Variants in MYH15 observed in about 807,000 individuals in gnomAD.
MYH15 encodes myosin heavy chain 15.
MYH15 carries 227 observed loss-of-function variants against 240.5 expected under a neutral mutation model. The ratio of observed to expected loss-of-function variants is 0.94; its 90% CI spans 0.85 to 1.05. The LOEUF is 1.05. Ranked by LOEUF, MYH15 falls within the 50% of genes least tolerant of loss-of-function variation. MYH15 has a pLI of 0.00. For missense variants in MYH15, 2,217 were observed against 2,247.5 expected (o/e 0.99, Z 0.27); for synonymous variants, 785 against 796.7 (o/e 0.99, Z 0.25).
At chr3:108,393,684 T>C (rs540945093) in intron 36 of MYH15, among the ~76,000 whole-genome samples, 1 of 152,292 alleles carries the variant, frequency 6.6e-6, no homozygotes, top group South Asian at 2.1e-4. Flanking sequence ...CTAGGAAAAA[T>C]AGCTTTTTGT....
At position 108,383,743 on chromosome 3, in the gene MYH15, A is replaced by AC; in HGVS notation, c.5632-15_5632-14insG. ...GGCTTGTGTTTCCTATAAAAATAAAAAAAAAAAAAAAGAAATCTCCATGCC... is the reference window on the plus strand; with the variant it reads ...GGCTTGTGTTTCCTATAAAAATAAAACAAAAAAAAAAAGAAATCTCCATGCC... On this transcript the variant is annotated splice_polypyrimidine_tract_variant and intron_variant, in intron 39 of 40. Coordinates refer to ENST00000693548, the MANE Select transcript of MYH15 (RefSeq NM_014981.3). 6.5e-7 allele frequency: 1 copy of AC among 1,530,140 alleles called. No homozygotes were observed. Among genetic ancestry groups the AC allele is most frequent in the South Asian group, 1.3e-5 (1 of 79,522 alleles). 94.8% of individuals were successfully genotyped at this position (1,530,140 alleles called of 1,614,324 possible). A position where few individuals can be genotyped will look rare whatever the true frequency, so the allele number is the denominator to read the frequency against.
chr3:108,480,908 G>T (rs2083261291), intron 11 of MYH15, among the ~76,000 whole-genome samples: 1 of 152,104 alleles, frequency 6.6e-6, no homozygotes, highest in African/African-American at 2.4e-5. Context: ...TTCTCCATCT[G>T]TCCAGCTCCT....
At position 108,410,888 on chromosome 3, in the gene MYH15, C is replaced by T. The variant is rs2082587624; in HGVS notation, c.4190G>A (p.Gly1397Glu). The T allele has an allele frequency of 1.2e-5, 20 of 1,608,566 alleles. No homozygotes were observed. The highest frequency in any genetic ancestry group is 1.7e-5 in the Non-Finnish European group (20 of 1,175,516). Residue 1397 changes from glycine to glutamate, a missense_variant, in exon 31 of 41, where the codon GGG becomes GAG. Transcript: ENST00000693548. ...IRLQEAAEAM[G>E]VANARNASLE... ...GGAGGCATTTCTGGCATTGGCCACC[C>T]CCATGGCTTCGGCTGCCTCCTGCAA...
chr3:108,423,229 G>C (rs772850572), intron 27 of MYH15, among the ~76,000 whole-genome samples: 1 of 152,150 alleles, frequency 6.6e-6, no homozygotes, highest in Non-Finnish European at 1.5e-5. Context: ...CACTCCAGTG[G>C]GCAGGCTGGT....
chr3:108,520,554 C>G (rs942169369), intron 1 of MYH15, among the ~76,000 whole-genome samples: 2 of 152,096 alleles, frequency 1.3e-5, no homozygotes, highest in African/African-American at 2.4e-5. Flanking sequence ...ATTTGGCACC[C>G]CAAATGTCTC....
intron 1 of MYH15, among the ~76,000 whole-genome samples, chr3:108,522,161 A>G (rs1391733619): frequency 6.6e-6 from 1 of 152,066 alleles, no homozygotes; most frequent in African/African-American, 2.4e-5. Context: ...GGGGAGCAAT[A>G]GGAGATGTAT....
rs142732252 is a variant in MYH15, at chr3:108,469,406, C to T, written c.1554+636G>A. Among the ~76,000 whole-genome samples the T allele has an allele frequency of 2.1e-4, 32 of 152,308 alleles. 1 individual carries two copies. The highest frequency in any genetic ancestry group is 7.2e-4 in the African/African-American group (30 of 41,574). On this transcript the variant is annotated intron_variant, in intron 14 of 40. Coordinates refer to ENST00000693548, the MANE Select transcript of MYH15 (RefSeq NM_014981.3). ...GGAGAAAGCCACAGAAAGGACCATA[C>T]GTAATCCCCCAGCAAACCTTGCTCA...
rs570378503 is a variant in MYH15 at position 108,415,482 on chromosome 3, T to C, written c.3949-1054A>G. Reference sequence around the variant, plus strand: ...AAAGGAAAAACTTTTAAAACCTTTATGTGGCATTTACATGGCATATATTTA... The same window carrying C: ...AAAGGAAAAACTTTTAAAACCTTTACGTGGCATTTACATGGCATATATTTA... On this transcript the variant is annotated intron_variant, in intron 29 of 40. Transcript: ENST00000693548. Among the ~76,000 whole-genome samples the C allele has an allele frequency of 2.0e-5, 3 of 152,318 alleles. No individual in the cohort carries two copies. In the South Asian group the frequency reaches 6.2e-4, roughly 32 times the overall value.
At chr3:108,497,231 G>A (rs770235710) in intron 6 of MYH15, among the ~76,000 whole-genome samples, 4 of 146,774 alleles carry the variant, frequency 2.7e-5, no homozygotes, top group South Asian at 2.2e-4. Context: ...ATTCAGGAAC[G>A]TGGTGGTAAA....
intron 5 of MYH15, 64 bp downstream of exon 5, chr3:108,499,391 T>A (rs1350178119): frequency 6.7e-7 from 1 of 1,493,962 alleles, no homozygotes; most frequent in Non-Finnish European, 9.3e-7. Flanking sequence ...CCCAGTGAAA[T>A]GGAGGTATCT....
Position 108,410,681 on chromosome 3 carries a change from ACTTC to A in MYH15, c.4393_4396del (p.Glu1465PhefsTer39), listed in dbSNP as rs1184407320. On this transcript the variant is annotated frameshift_variant, in exon 31 of 41. Coordinates refer to ENST00000693548, the MANE Select transcript of MYH15 (RefSeq NM_014981.3). LOFTEE classifies it high-confidence loss of function. Reference sequence around the variant, plus strand: ...GAGGAGCTCTGTACTGAGAGCCTGAACTTCCTTCTGAGAGGCATCCAGCAACGCC... The same window carrying A: ...GAGGAGCTCTGTACTGAGAGCCTGAACTTCTGAGAGGCATCCAGCAACGCC... 1 of 1,614,116 alleles carries A rather than the reference ACTTC, an allele frequency of 6.2e-7. No individual in the cohort carries two copies. The highest frequency in any genetic ancestry group is 1.7e-5 in the Admixed American group (1 of 60,020).
At position 108,410,721 on chromosome 3, in the gene MYH15, C is replaced by T. The variant is rs370933466; in HGVS notation, c.4357G>A (p.Glu1453Lys). The T allele has an allele frequency of 6.9e-5, 112 of 1,614,046 alleles. No homozygotes were observed. The highest frequency in any genetic ancestry group is 1.6e-4 in the Middle Eastern group (1 of 6,082). Residue 1453 changes from glutamate to lysine, a missense_variant, in exon 31 of 41, where the codon GAG becomes AAG. Coordinates refer to ENST00000693548, the MANE Select transcript of MYH15 (RefSeq NM_014981.3). ...KALADWKQKH[E>K]ESQALLDASQ... ...GCATCCAGCAACGCCTGGGACTCCTCGTGCTTCTGCTTCCAGTCGGCAAGG... is the reference window on the plus strand; with the variant it reads ...GCATCCAGCAACGCCTGGGACTCCTTGTGCTTCTGCTTCCAGTCGGCAAGG...
In MYH15 at chr3:108,453,037, GTATTTTT is replaced by G. The variant is rs2082987656; in HGVS notation, c.2399+962_2399+968del. Among the ~76,000 whole-genome samples, 3 of 152,288 alleles carry G rather than the reference GTATTTTT, an allele frequency of 2.0e-5. 1 individual carries two copies. Among genetic ancestry groups the G allele is most frequent in the African/African-American group, 7.2e-5 (3 of 41,560 alleles). On this transcript the variant is annotated intron_variant, in intron 21 of 40. Coordinates refer to ENST00000693548, the MANE Select transcript of MYH15 (RefSeq NM_014981.3). ...ATGAGTATGCATTATAGTATTTTCTGTATTTTTTATTTACTTGAGAGCTTTCACAATA... is the reference window on the plus strand; with the variant it reads ...ATGAGTATGCATTATAGTATTTTCTGTATTTACTTGAGAGCTTTCACAATA...
At chr3:108,545,659 G>A in the MYH15 span, among the ~76,000 whole-genome samples, 1 of 151,450 alleles carries the variant, frequency 6.6e-6, no homozygotes, top group Admixed American at 6.6e-5. Flanking sequence ...TCATTATGCA[G>A]AGGTTACCAC....
intron 18 of MYH15, among the ~76,000 whole-genome samples, chr3:108,458,911 G>A (rs2083047497): frequency 6.6e-6 from 1 of 152,150 alleles, no homozygotes; most frequent in Admixed American, 6.6e-5. Flanking sequence ...GAGGACTAGA[G>A]GGTGTTCTCA....
chr3:108,512,185 T>A (rs2083526797), upstream of MYH15, among the ~76,000 whole-genome samples: 1 of 152,166 alleles, frequency 6.6e-6, no homozygotes, highest in Admixed American at 6.5e-5. Flanking sequence ...AGCATTCAGA[T>A]TCAGGTTTTG....
intron 25 of MYH15, among the ~76,000 whole-genome samples, chr3:108,431,163 A>T (rs1388225220): frequency 6.6e-6 from 1 of 152,210 alleles, no homozygotes; most frequent in East Asian, 1.9e-4. Context: ...AACCAAAAGT[A>T]AAAAATACCA....
intron 1 of MYH15, among the ~76,000 whole-genome samples, chr3:108,523,631 T>C (rs1333302388): frequency 6.6e-6 from 1 of 151,984 alleles, no homozygotes; most frequent in Non-Finnish European, 1.5e-5. Context: ...TATTAGATCT[T>C]GGATTCTCTT....
At chr3:108,425,904 G>C (rs2082721511) in intron 27 of MYH15, among the ~76,000 whole-genome samples, 1 of 152,160 alleles carries the variant, frequency 6.6e-6, no homozygotes. Context: ...AAATGGAAAT[G>C]GGGAATATCC....
Sources: allele counts gnomAD v4.1 joint callset (sites outside exome capture counted in the v4.1 genomes callset), GRCh38; gene constraint gnomAD v4.1.1; transcripts MANE v1.5; gene names NCBI Gene and HGNC (gene_info 2026-07-23, HGNC 2026-07-21).